The following PLXNA4 variants were observed in gnomAD, a reference collection of about 807,000 sequenced individuals.
PLXNA4 encodes plexin-A4.
In PLXNA4, 44 loss-of-function variants were observed where a neutral mutation model predicts 191.8. That is an observed-to-expected ratio of 0.23 (90% CI 0.18 to 0.29). PLXNA4 has a LOEUF of 0.29. Among genes scored for constraint, PLXNA4 ranks in the 10% least tolerant of loss-of-function variants. The pLI is 1.00. For missense variants in PLXNA4, 1,800 were observed against 2,488.8 expected, an observed-to-expected ratio of 0.72 and a Z score of 5.89; for synonymous variants, 1,082 against 1,009.5, an observed-to-expected ratio of 1.07 and a Z score of -1.36.
At chr7:132,315,996 G>A (rs531428487) in intron 3 of PLXNA4, among the ~76,000 whole-genome samples, 8 of 152,288 alleles carry the variant, frequency 5.3e-5, no homozygotes, top group Admixed American at 5.2e-4. Context: ...CCTGTACACA[G>A]AGGGGAAGTG....
Position 132,507,466 on chromosome 7 carries a change from A to C in PLXNA4, c.1188+40T>G, listed in dbSNP as rs752539979. ...CTACAGGCTGGGGTTCTCATCCTAC[A>C]CTCCCAACCATCCCAGCGCGCAGCC... On this transcript the variant is annotated intron_variant, in intron 2 of 31. Transcript: ENST00000321063. The C allele has an allele frequency of 1.5e-5, 23 of 1,559,588 alleles. No individual in the cohort carries two copies. The South Asian group carries it at 2.7e-4, about 18-fold the overall frequency.
chr7:132,528,692 T>C (rs1319229069), intron 1 of PLXNA4, among the ~76,000 whole-genome samples: 1 of 152,224 alleles, frequency 6.6e-6, no homozygotes, highest in Non-Finnish European at 1.5e-5. Flanking sequence ...TGCCTGGAAC[T>C]GTGGCAGACT....
chr7:132,276,046 T>C (rs1161814489), intron 4 of PLXNA4, among the ~76,000 whole-genome samples: 3 of 152,202 alleles, frequency 2.0e-5, no homozygotes, highest in East Asian at 3.9e-4. Flanking sequence ...CCAGTTTCTC[T>C]CTATCATGTG....
intron 3 of PLXNA4, among the ~76,000 whole-genome samples, chr7:132,421,578 G>GTTTTTT (rs370481755): frequency 6.8e-6 from 1 of 146,588 alleles, no homozygotes; most frequent in African/African-American, 2.5e-5. Flanking sequence ...TATTGCTAAA[G>GTTTTTT]TTTTTTTTTT....
rs892017576 is a variant in PLXNA4, at chr7:132,125,829, T to C, written c.*4650A>G. The C allele has an allele frequency of 1.3e-5, 2 of 152,104 alleles. No individual in the cohort carries two copies. Among genetic ancestry groups the C allele is most frequent in the African/African-American group, 4.8e-5 (2 of 41,384 alleles). The allele number at this position is 152,104 out of a possible 1,614,324, so 9.4% of individuals were successfully genotyped here. On this transcript the variant is annotated 3_prime_UTR_variant, in exon 32 of 32. Transcript: ENST00000321063. ...TGAGCTCCTGGAGGTGACTCAGTCATGGAAAGACCCCTTGAAGGCCTTGAA... is the reference window on the plus strand; with the variant it reads ...TGAGCTCCTGGAGGTGACTCAGTCACGGAAAGACCCCTTGAAGGCCTTGAA...
chr7:132,305,375 C>CACAA (rs1480660982), intron 3 of PLXNA4, among the ~76,000 whole-genome samples: 1 of 147,234 alleles, frequency 6.8e-6, no homozygotes, highest in Non-Finnish European at 1.5e-5. Flanking sequence ...CACACACACA[C>CACAA]ACACACACAC....
chr7:132,489,000 T>C (rs1418820096), intron 3 of PLXNA4, among the ~76,000 whole-genome samples: 1 of 152,212 alleles, frequency 6.6e-6, no homozygotes, highest in African/African-American at 2.4e-5. Context: ...CAAGCCCAAA[T>C]TGAACACAGC....
intron 21 of PLXNA4, among the ~76,000 whole-genome samples, chr7:132,170,608 A>G (rs1278290576): frequency 2.0e-5 from 3 of 152,222 alleles, no homozygotes; most frequent in Non-Finnish European, 4.4e-5. Flanking sequence ...GCTCAGGGCA[A>G]GGCACTGGCA....
chr7:132,540,993 C>T (rs1344795268), intron 1 of PLXNA4, among the ~76,000 whole-genome samples: 1 of 152,144 alleles, frequency 6.6e-6, no homozygotes, highest in Non-Finnish European at 1.5e-5. Flanking sequence ...ACTTAACAAT[C>T]CTGGCTGTCA....
intron 26 of PLXNA4, 150 bp from the exon 27 acceptor site, chr7:132,148,149 C>A: frequency 1.7e-6 from 2 of 1,193,838 alleles, no homozygotes; most frequent in Non-Finnish European, 2.3e-6. Flanking sequence ...TTCCTTGGAG[C>A]AGAACAAGAC....
intron 4 of PLXNA4, among the ~76,000 whole-genome samples, chr7:132,278,672 T>C (rs772327420): frequency 1.3e-4 from 20 of 152,154 alleles, no homozygotes; most frequent in Non-Finnish European, 2.5e-4. Flanking sequence ...GCAAGAAGCA[T>C]ATCTGCTGGC....
chr7:132,202,415 T>C (rs566923666), intron 12 of PLXNA4, among the ~76,000 whole-genome samples: 1 of 152,174 alleles, frequency 6.6e-6, no homozygotes, highest in Middle Eastern at 3.4e-3. Flanking sequence ...AACAGGACAG[T>C]TGGGCCCCTC....
intron 2 of PLXNA4, among the ~76,000 whole-genome samples, chr7:132,630,794 A>T (rs1803478560): frequency 6.6e-6 from 1 of 152,200 alleles, no homozygotes; most frequent in African/African-American, 2.4e-5. Flanking sequence ...TACAGGCGTG[A>T]GCCACTGCGC....
chr7:132,529,499 G>T (rs1352116981), intron 1 of PLXNA4, among the ~76,000 whole-genome samples: 1 of 152,066 alleles, frequency 6.6e-6, no homozygotes, highest in Non-Finnish European at 1.5e-5. Flanking sequence ...GATTCACTGG[G>T]AAAGTTTTTT....
rs911368222 is a variant in PLXNA4, at chr7:132,185,189, A to G, written c.3158+110T>C. 9.9e-6 allele frequency: 14 copies of G among 1,415,012 alleles called. No homozygotes were observed. The East Asian group carries it at 3.5e-4, about 35-fold the overall frequency. The allele number at this position is 1,415,012 out of a possible 1,614,324, so 87.7% of individuals were successfully genotyped here. On this transcript the variant is annotated intron_variant, in intron 16 of 31. Transcript: ENST00000321063. Reference sequence around the variant, plus strand: ...GGGTGTTTGGAATCAATTCCAGCTCATCCATCCCCCAAGCAGGACTGGGCC... The same window carrying G: ...GGGTGTTTGGAATCAATTCCAGCTCGTCCATCCCCCAAGCAGGACTGGGCC...
At chr7:132,561,503 A>ACCT (rs1274779821) in intron 1 of PLXNA4, among the ~76,000 whole-genome samples, 2 of 18,508 alleles carry the variant, frequency 1.1e-4, no homozygotes, top group African/African-American at 2.3e-4. Context: ...CTCCTCCCCC[A>ACCT]CCTCCTCCTC....
chr7:132,179,534 GAC>G (rs544954911), intron 20 of PLXNA4, among the ~76,000 whole-genome samples, 151 bp downstream of exon 20: 1,163 of 82,846 alleles, frequency 0.014, 9 homozygotes, highest in Non-Finnish European at 0.02. Flanking sequence ...CATTCGCACA[GAC>G]ACACACACCG....
chr7:132,296,044 C>T (rs1286640166), intron 4 of PLXNA4, among the ~76,000 whole-genome samples: 1 of 152,184 alleles, frequency 6.6e-6, no homozygotes, highest in Non-Finnish European at 1.5e-5. Flanking sequence ...AATCATTGCA[C>T]TGTTCTACAA....
intron 4 of PLXNA4, among the ~76,000 whole-genome samples, chr7:132,287,849 C>T (rs569693306): frequency 4.6e-5 from 7 of 152,268 alleles, no homozygotes; most frequent in Admixed American, 3.9e-4. Flanking sequence ...TTGTGTCAGG[C>T]TACAACAAAG....
Sources: gnomAD v4.1 joint callset for allele counts (sites outside exome capture counted in the v4.1 genomes callset) on GRCh38, gnomAD v4.1.1 for gene constraint, MANE v1.5 for transcripts, NCBI Gene and HGNC (gene_info 2026-07-23, HGNC 2026-07-21) for gene names.